Variants in CSGALNACT1 observed in about 807,000 individuals in gnomAD.
The protein encoded by CSGALNACT1 is beta4GalNAcT-1.
Under a neutral mutation model 51.0 loss-of-function variants are expected in CSGALNACT1, and 52 were observed. The ratio of observed to expected loss-of-function variants is 1.02; its 90% CI spans 0.82 to 1.29. CSGALNACT1 has a LOEUF of 1.29. CSGALNACT1 is among the 50% of genes most tolerant of loss of function. CSGALNACT1 has a pLI of 0.00. For synonymous variants in CSGALNACT1, 341 were observed against 254.4 expected, an observed-to-expected ratio of 1.34 and a Z score of -3.24; for missense variants, 935 against 679.2, an observed-to-expected ratio of 1.38 and a Z score of -4.19.
chr8:19,474,631 G>A (rs1244287394), intron 4 of CSGALNACT1, among the ~76,000 whole-genome samples: 2 of 151,950 alleles, frequency 1.3e-5, no homozygotes, highest in African/African-American at 2.4e-5. Context: ...ACTTTGGGAG[G>A]CCCGAGGTGG....
intron 3 of CSGALNACT1, among the ~76,000 whole-genome samples, chr8:19,518,643 C>T (rs2080024410): frequency 1.3e-5 from 2 of 152,168 alleles, no homozygotes; most frequent in South Asian, 2.1e-4. Context: ...TCCTCTTCTG[C>T]CTATTAAACC....
intron 4 of CSGALNACT1, among the ~76,000 whole-genome samples, chr8:19,461,425 C>G (rs1464371102): frequency 1.3e-5 from 2 of 151,922 alleles, no homozygotes; most frequent in Non-Finnish European, 1.5e-5. Context: ...TGTATCCACA[C>G]AGCACCCATA....
chr8:19,718,170 G>A (rs1001729873), intron 1 of CSGALNACT1, among the ~76,000 whole-genome samples: 1 of 152,178 alleles, frequency 6.6e-6, no homozygotes, highest in African/African-American at 2.4e-5. Flanking sequence ...TCAGCTCACT[G>A]CAACCTCTAC....
At chr8:19,550,083 A>G (rs557040535) in intron 3 of CSGALNACT1, among the ~76,000 whole-genome samples, 5 of 152,030 alleles carry the variant, frequency 3.3e-5, no homozygotes, top group Non-Finnish European at 7.4e-5. Context: ...ATATTTTTCA[A>G]TTCTGTAGCA....
chr8:19,679,940 T>A (rs1247551834), intron 1 of CSGALNACT1, among the ~76,000 whole-genome samples: 1 of 152,188 alleles, frequency 6.6e-6, no homozygotes, highest in Non-Finnish European at 1.5e-5. Flanking sequence ...ACATACCGGC[T>A]TAGAGTAGAT....
chr8:19,730,651 C>T (rs1324930733), intron 1 of CSGALNACT1, among the ~76,000 whole-genome samples: 1 of 152,218 alleles, frequency 6.6e-6, no homozygotes, highest in Non-Finnish European at 1.5e-5. Flanking sequence ...GCCCACCTCC[C>T]AGGTGACAGC....
chr8:19,595,566 G>C (rs2048705324), intron 2 of CSGALNACT1, among the ~76,000 whole-genome samples: 1 of 152,008 alleles, frequency 6.6e-6, no homozygotes, highest in African/African-American at 2.4e-5. Context: ...CAGTGGAAGA[G>C]ATGAATTTTC....
chr8:19,609,141 T>G (rs1196632510), intron 1 of CSGALNACT1, among the ~76,000 whole-genome samples: 1 of 151,810 alleles, frequency 6.6e-6, no homozygotes, highest in African/African-American at 2.4e-5. Flanking sequence ...ATTAAATTTA[T>G]TCAATCAATC....
At chr8:19,562,721 C>G (rs961421613) in intron 3 of CSGALNACT1, among the ~76,000 whole-genome samples, 1 of 152,138 alleles carries the variant, frequency 6.6e-6, no homozygotes, top group Non-Finnish European at 1.5e-5. Flanking sequence ...AAACCAAAAC[C>G]ACAATGAGAT....
intron 5 of CSGALNACT1, among the ~76,000 whole-genome samples, chr8:19,450,732 C>A (rs1207947940): frequency 1.3e-5 from 2 of 151,986 alleles, no homozygotes; most frequent in Admixed American, 6.6e-5. Flanking sequence ...GCCTGGGCAA[C>A]AGAGCAAGAC....
chr8:19,586,766 G>C (rs1461028412), intron 3 of CSGALNACT1, among the ~76,000 whole-genome samples: 2 of 152,216 alleles, frequency 1.3e-5, no homozygotes, highest in East Asian at 3.8e-4. Flanking sequence ...AATGGATTCT[G>C]TGGAGAAGAA....
intron 1 of CSGALNACT1, among the ~76,000 whole-genome samples, chr8:19,618,644 AAAAAAAAAAAAAGAAAG>A (rs1219181441): frequency 2.0e-5 from 3 of 146,792 alleles, no homozygotes; most frequent in African/African-American, 7.8e-5. Flanking sequence ...AAAAAAAAAA[AAAAAAAAAAAAAGAAAG>A]AAAGAAAGAA....
rs74364466 is a variant in CSGALNACT1, at chr8:19,690,015, A to C, written c.-297+67835T>G. 2.6e-3 allele frequency among the ~76,000 whole-genome samples: 390 copies of C among 152,384 alleles called. 1 individual carries two copies. Among genetic ancestry groups the C allele is most frequent in the Admixed American group, 4.3e-3 (66 of 15,310 alleles). On this transcript the variant is annotated intron_variant, in intron 1 of 1. Transcript: ENST00000517494. ...CAGTTCATGAATCACTAATCATTAAAGCCAATTTGAGTTTCAAACTAAATG... is the reference window on the plus strand; with the variant it reads ...CAGTTCATGAATCACTAATCATTAACGCCAATTTGAGTTTCAAACTAAATG...
intron 6 of CSGALNACT1, among the ~76,000 whole-genome samples, chr8:19,439,282 T>C (rs2153748126): frequency 6.6e-6 from 1 of 152,384 alleles, no homozygotes; most frequent in Non-Finnish European, 1.5e-5. Flanking sequence ...AAATAATTTG[T>C]ACTCAACTGA....
chr8:19,677,614 A>T (rs537329692), intron 1 of CSGALNACT1, among the ~76,000 whole-genome samples: 1 of 152,304 alleles, frequency 6.6e-6, no homozygotes, highest in South Asian at 2.1e-4. Context: ...GCTAGAAGGA[A>T]ATCAGTCTAT....
At chr8:19,644,008 G>A (rs148146242) in intron 1 of CSGALNACT1, among the ~76,000 whole-genome samples, 4 of 152,196 alleles carry the variant, frequency 2.6e-5, no homozygotes, top group Non-Finnish European at 4.4e-5. Flanking sequence ...GTGTACATAG[G>A]AGCATTGTTC....
At chr8:19,458,598 T>C in exon 5 of CSGALNACT1, 1 of 1,614,204 alleles carries the variant, frequency 6.2e-7, no homozygotes, top group Non-Finnish European at 8.5e-7. Flanking sequence ...CCTTTGAAGG[T>C]GAGCTCATAC....
intron 6 of CSGALNACT1, among the ~76,000 whole-genome samples, chr8:19,427,953 G>A (rs2153715815): frequency 6.6e-6 from 1 of 152,258 alleles, no homozygotes; most frequent in South Asian, 2.1e-4. Context: ...GAGGGAAGCA[G>A]TCTCATCGTA....
intron 1 of CSGALNACT1, among the ~76,000 whole-genome samples, chr8:19,719,640 CCT>C (rs1187244052): frequency 6.6e-6 from 1 of 152,178 alleles, no homozygotes; most frequent in Admixed American, 6.5e-5. Context: ...GGATTCTAGA[CCT>C]TGATCTTCCC....
Sources: allele counts gnomAD v4.1 joint callset (sites outside exome capture counted in the v4.1 genomes callset), GRCh38; gene constraint gnomAD v4.1.1; transcripts MANE v1.5; gene names NCBI Gene and HGNC (gene_info 2026-07-23, HGNC 2026-07-21).